The following MROH9 variants were observed in gnomAD, a reference collection of about 807,000 sequenced individuals.
MROH9 encodes maestro heat-like repeat-containing protein family member 9.
MROH9 carries 92 observed loss-of-function variants against 98.2 expected under a neutral mutation model. The observed-to-expected ratio is 0.94, with a 90% CI of 0.79 to 1.11. The LOEUF (loss-of-function observed/expected upper bound fraction) is 1.11. Among genes scored for constraint, MROH9 ranks in the 50% most tolerant of loss-of-function variants. The pLI is 0.00. For synonymous variants in MROH9, 397 were observed against 368.9 expected (o/e 1.08, Z -0.87); for missense variants, 1,057 against 1,014.8 (o/e 1.04, Z -0.57).
chr1:170,982,586 T>C (rs575338421), intron 8 of MROH9, among the ~76,000 whole-genome samples: 3 of 152,276 alleles, frequency 2.0e-5, no homozygotes, highest in African/African-American at 7.2e-5. Context: ...TGCCAAGTTG[T>C]TCACCTTAGA....
chr1:171,008,695 G>T (rs1652042299), intron 15 of MROH9, among the ~76,000 whole-genome samples: 2 of 152,218 alleles, frequency 1.3e-5, no homozygotes, highest in Admixed American at 1.3e-4. Context: ...GTTTGAGGCT[G>T]TCGTGAGCTG....
chr1:170,998,543 C>A (rs1408787300), intron 15 of MROH9: 12 of 1,412,170 alleles, frequency 8.5e-6, no homozygotes, highest in Middle Eastern at 2.4e-4. Context: ...TTTTTAGGAC[C>A]AGTTTATATA....
At position 170,998,310 on chromosome 1, in the gene MROH9, T is replaced by C; in HGVS notation, c.1596+36T>C. ...TAGACTGTGAACAGCTGTGTTCTCA[T>C]TTCCTTTTCTTACCCAAATTTAAAT... On this transcript the variant is annotated intron_variant, in intron 15 of 21. Coordinates refer to ENST00000367759, the MANE Select transcript of MROH9 (RefSeq NM_001163629.2). The C allele has an allele frequency of 1.9e-6, 3 of 1,613,292 alleles. No homozygotes were observed. The South Asian group carries it at 3.3e-5, about 18-fold the overall frequency.
At chr1:171,020,871 C>T (rs1288236436) in intron 17 of MROH9, among the ~76,000 whole-genome samples, 5 of 152,168 alleles carry the variant, frequency 3.3e-5, no homozygotes, top group African/African-American at 1.2e-4. Flanking sequence ...CCCATCACCT[C>T]AGCCCCAAAA....
In MROH9 at chr1:170,947,526, G is replaced by T. The variant is rs187983561; in HGVS notation, c.26-1G>T. Reference sequence around the variant, plus strand: ...TAACGAATCTCCTTCTTTCTGGCTAGAGAGTAGTCTCCAGATTCTGCAAGA... The same window carrying T: ...TAACGAATCTCCTTCTTTCTGGCTATAGAGTAGTCTCCAGATTCTGCAAGA... On this transcript the variant is annotated splice_acceptor_variant, in intron 2 of 21. Transcript: ENST00000367759. LOFTEE classifies it high-confidence loss of function. 5 of 1,610,402 alleles carry T rather than the reference G, an allele frequency of 3.1e-6. No homozygotes were observed. The African/African-American group carries it at 6.7e-5, about 22-fold the overall frequency.
In MROH9 at chr1:170,958,452, G is replaced by A. The variant is rs556071388; in HGVS notation, c.73-9G>A. Reference sequence around the variant, plus strand: ...TTCTTTTTTTTTTTTTTTTTAACATGGTACTTAGGCACATAAAGTTAACAG... The same window carrying A: ...TTCTTTTTTTTTTTTTTTTTAACATAGTACTTAGGCACATAAAGTTAACAG... On this transcript the variant is annotated splice_polypyrimidine_tract_variant and intron_variant, in intron 3 of 21. Transcript: ENST00000367759. The A allele has an allele frequency of 6.3e-6, 9 of 1,419,036 alleles. No homozygotes were observed. The highest frequency in any genetic ancestry group is 7.7e-6 in the Non-Finnish European group (8 of 1,037,608). 87.9% of individuals were successfully genotyped at this position (1,419,036 alleles called of 1,614,324 possible).
intron 20 of MROH9, among the ~76,000 whole-genome samples, chr1:171,028,046 A>G (rs1652785611): frequency 6.6e-6 from 1 of 151,964 alleles, no homozygotes; most frequent in Non-Finnish European, 1.5e-5. Context: ...ATTAGACCCT[A>G]TTTGTCAATT....
chr1:170,986,887 G>C (rs972968986), intron 10 of MROH9, among the ~76,000 whole-genome samples, 177 bp downstream of exon 10: 6 of 152,138 alleles, frequency 3.9e-5, no homozygotes, highest in African/African-American at 1.4e-4. Context: ...GTCTTGCTCT[G>C]TGGCTCACGC....
chr1:170,992,701 A>G (rs1014527524), intron 12 of MROH9, among the ~76,000 whole-genome samples: 33 of 152,274 alleles, frequency 2.2e-4, no homozygotes, highest in Middle Eastern at 3.4e-3. Flanking sequence ...TGATCCTTAC[A>G]TATATCTGAG....
At position 171,024,458 on chromosome 1, in the gene MROH9, C is replaced by G; in HGVS notation, c.1972C>G (p.Gln658Glu). The change falls in exon 18 of 22, where the codon CAG becomes GAG. Residue 658 changes from glutamine to glutamate, a missense_variant. Physicochemically the swap from Gln to Glu is conservative, Grantham distance 29. Transcript: ENST00000367759. ...HFGQLVRDMR[Q>E]YTWMVNDVVL... ...TGGTCAATTAGTTAGGGATATGAGA[C>G]AGTACACATGGATGGTGAATGATGT... 1 of 1,551,242 alleles carries G rather than the reference C, an allele frequency of 6.4e-7. No individual in the cohort carries two copies. The highest frequency in any genetic ancestry group is 2.0e-5 in the Admixed American group (1 of 50,964).
chr1:170,960,510 A>T (rs1266960977), intron 5 of MROH9, among the ~76,000 whole-genome samples: 1 of 152,214 alleles, frequency 6.6e-6, no homozygotes, highest in African/African-American at 2.4e-5. Flanking sequence ...CTACTCACAC[A>T]TGGAAATTTC....
In MROH9 at chr1:170,998,217, A is replaced by C; in HGVS notation, c.1539A>C (p.Ser513=). 6.2e-7 allele frequency: 1 copy of C among 1,613,342 alleles called. No individual in the cohort carries two copies. The highest frequency in any genetic ancestry group is 8.5e-7 in the Non-Finnish European group (1 of 1,179,526). ...PETLSYLYKL[S]VEGPRRSEDT... ...CCCTGAGTTATCTCTATAAGCTCTCAGTAGAAGGTCCTAGAAGGTCAGAAG... is the reference window on the plus strand; with the variant it reads ...CCCTGAGTTATCTCTATAAGCTCTCCGTAGAAGGTCCTAGAAGGTCAGAAG... The change falls in exon 15 of 22, where the codon TCA becomes TCC. Residue 513 remains serine, a synonymous_variant. Transcript: ENST00000367759.
At chr1:171,058,067 A>G (rs969178543) in intron 20 of MROH9, among the ~76,000 whole-genome samples, 1 of 152,198 alleles carries the variant, frequency 6.6e-6, no homozygotes, top group Non-Finnish European at 1.5e-5. Flanking sequence ...TTTGCAGATG[A>G]CACGGTTTTA....
At chr1:170,983,700 A>C (rs1651020433) in intron 9 of MROH9, among the ~76,000 whole-genome samples, 166 bp downstream of exon 9, 1 of 152,116 alleles carries the variant, frequency 6.6e-6, no homozygotes, top group African/African-American at 2.4e-5. Context: ...TCTGATTTTC[A>C]TCTCTATTAA....
intron 20 of MROH9, among the ~76,000 whole-genome samples, chr1:171,037,460 G>T (rs1298735348): frequency 2.0e-5 from 3 of 151,458 alleles, no homozygotes; most frequent in Non-Finnish European, 4.4e-5. Flanking sequence ...AGGACACAAA[G>T]ACTGAAAATA....
chr1:170,951,455 T>A (rs1055301925), intron 3 of MROH9, among the ~76,000 whole-genome samples: 1 of 152,094 alleles, frequency 6.6e-6, no homozygotes, highest in East Asian at 1.9e-4. Flanking sequence ...AACCCAATTA[T>A]ATTCAAAAGA....
intron 15 of MROH9, chr1:170,998,772 T>C: frequency 1.0e-6 from 1 of 975,716 alleles, no homozygotes; most frequent in East Asian, 1.1e-4. Context: ...TGACAAACTT[T>C]TGTTTACAAA....
intron 12 of MROH9, 63 bp from the exon 13 acceptor site, chr1:170,995,326 T>G (rs1651522854): frequency 6.3e-7 from 1 of 1,587,322 alleles, no homozygotes; most frequent in Admixed American, 1.7e-5. Context: ...CTCCCCTCAG[T>G]AAGGTTGACC....
At chr1:171,030,010 T>A (rs1340890193) in intron 20 of MROH9, among the ~76,000 whole-genome samples, 2 of 152,222 alleles carry the variant, frequency 1.3e-5, no homozygotes, top group East Asian at 3.9e-4. Context: ...AACTTCTTTC[T>A]TGTTTAGACT....
Sources: allele counts gnomAD v4.1 joint callset (sites outside exome capture counted in the v4.1 genomes callset), GRCh38; gene constraint gnomAD v4.1.1; transcripts MANE v1.5; gene names NCBI Gene and HGNC (gene_info 2026-07-23, HGNC 2026-07-21).